CACNA2D1: variants seen among roughly 807,000 people sequenced by gnomAD.
CACNA2D1 encodes the protein calcium voltage-gated channel auxiliary subunit alpha2delta 1, also known as voltage-dependent calcium channel subunit alpha-2/delta-1.
Under a neutral mutation model 171.5 loss-of-function variants are expected in CACNA2D1, and 53 were observed. The observed-to-expected ratio is 0.31, with a 90% CI of 0.25 to 0.39. CACNA2D1 has a LOEUF of 0.39. CACNA2D1 is among the 10% of genes least tolerant of loss of function. The pLI is 1.00. For missense variants in CACNA2D1, 903 were observed against 1,299.8 expected, an observed-to-expected ratio of 0.69 and a Z score of 4.69; for synonymous variants, 442 against 443.1, an observed-to-expected ratio of 1.00 and a Z score of 0.03.
At position 81,948,791 on chromosome 7, in the gene CACNA2D1, TAC is replaced by T. The variant is rs1013658675; in HGVS notation, c.*1599_*1600del. 10 of 151,960 alleles carry T rather than the reference TAC, an allele frequency of 6.6e-5. No homozygotes were observed. The highest frequency in any genetic ancestry group is 1.0e-4 in the Non-Finnish European group (7 of 67,876). The allele number at this position is 151,960 out of a possible 1,614,324, so 9.4% of individuals were successfully genotyped here. ...TAAAATTATTAACTATTCTTAGAAT[TAC>T]ACATTCATAGTTTTTACCTTTTCTT... is the stretch of plus-strand genomic sequence containing the variant. On this transcript the variant is annotated 3_prime_UTR_variant, in exon 39 of 39. Coordinates refer to ENST00000356860, the MANE Select transcript of CACNA2D1 (RefSeq NM_000722.4).
chr7:82,053,446 T>A (rs1323685875), intron 10 of CACNA2D1, among the ~76,000 whole-genome samples: 1 of 143,602 alleles, frequency 7.0e-6, no homozygotes, highest in Non-Finnish European at 1.6e-5. Flanking sequence ...AATGTATTAA[T>A]GATTATTTTG....
intron 2 of CACNA2D1, among the ~76,000 whole-genome samples, chr7:82,341,661 A>G (rs1314135569): frequency 2.6e-5 from 4 of 152,148 alleles, no homozygotes; most frequent in African/African-American, 7.2e-5. Flanking sequence ...GCAAATACCA[A>G]CTGCTAAAAT....
intron 1 of CACNA2D1, among the ~76,000 whole-genome samples, chr7:82,392,907 G>C (rs1015635512): frequency 6.6e-6 from 1 of 151,936 alleles, no homozygotes; most frequent in Non-Finnish European, 1.5e-5. Flanking sequence ...CCCTAACCCT[G>C]AAAGATACAG....
chr7:81,987,129 G>C (rs73705430), intron 21 of CACNA2D1, among the ~76,000 whole-genome samples: 2,588 of 152,224 alleles, frequency 0.017, 75 homozygotes, highest in African/African-American at 0.06. Flanking sequence ...TGGCCTGTAA[G>C]TCTTTGATTG....
At chr7:82,079,502 G>T (rs1809422322) in intron 7 of CACNA2D1, among the ~76,000 whole-genome samples, 1 of 151,950 alleles carries the variant, frequency 6.6e-6, no homozygotes, top group Non-Finnish European at 1.5e-5. Flanking sequence ...GACCAGCCTT[G>T]CCAACATGGA....
intron 3 of CACNA2D1, among the ~76,000 whole-genome samples, chr7:82,315,073 G>C (rs1441310236): frequency 6.7e-6 from 1 of 148,854 alleles, no homozygotes; most frequent in Non-Finnish European, 1.5e-5. Flanking sequence ...GGAAGCAGAA[G>C]TTGCAGTGAG....
chr7:82,093,992 T>C (rs2129023389), intron 6 of CACNA2D1, among the ~76,000 whole-genome samples: 1 of 152,266 alleles, frequency 6.6e-6, no homozygotes, highest in Admixed American at 6.5e-5. Context: ...GGATCAAAAG[T>C]ATTAGAAGTG....
intron 3 of CACNA2D1, among the ~76,000 whole-genome samples, chr7:82,302,740 T>G (rs1428159190): frequency 2.6e-5 from 4 of 152,052 alleles, no homozygotes; most frequent in Non-Finnish European, 5.9e-5. Context: ...ATTCTTAAAA[T>G]TTATTCAAGC....
At chr7:82,153,378 TATG>T (rs1794046073) in intron 4 of CACNA2D1, among the ~76,000 whole-genome samples, 1 of 151,870 alleles carries the variant, frequency 6.6e-6, no homozygotes, top group Non-Finnish European at 1.5e-5. Flanking sequence ...GCAGATTATA[TATG>T]ATTAATAAAA....
intron 1 of CACNA2D1, among the ~76,000 whole-genome samples, chr7:82,406,012 G>A (rs1585845369): frequency 6.6e-6 from 1 of 152,000 alleles, no homozygotes; most frequent in African/African-American, 2.4e-5. Context: ...TTAACATTAG[G>A]TGTATCTCCT....
At chr7:82,349,852 T>A (rs1204725975) in intron 1 of CACNA2D1, among the ~76,000 whole-genome samples, 1 of 152,238 alleles carries the variant, frequency 6.6e-6, no homozygotes, top group Non-Finnish European at 1.5e-5. Flanking sequence ...GCTTTCAGGA[T>A]GCTGAAATGC....
rs145658798 is a variant in CACNA2D1, at chr7:82,065,143, C to A, written c.729-789G>T. Among the ~76,000 whole-genome samples, 418 of 152,244 alleles carry A rather than the reference C, an allele frequency of 2.7e-3. 3 individuals carry two copies. The highest frequency in any genetic ancestry group is 9.7e-3 in the African/African-American group (403 of 41,536). ...TTTTTACTTATTTCTGAAGCCATCA[C>A]TGTAAATGTAACTTCTCAGGAGGCT... On this transcript the variant is annotated intron_variant, in intron 8 of 38. Transcript: ENST00000356860.
rs1168422279 is a variant in CACNA2D1, at chr7:81,964,098, G to A, written c.2738C>T (p.Ala913Val). 2.5e-6 allele frequency: 4 copies of A among 1,612,006 alleles called. No homozygotes were observed. The highest frequency in any genetic ancestry group is 1.7e-5 in the Admixed American group (1 of 59,764). ...GHRSAYVPSV[A>V]DILQIGWWAT... is the part of the protein sequence containing the mutation. ...CCACCAGCCAATTTGTAATATGTCTGCTACTGATGGCTATAAAATAAAATA... is the reference window on the plus strand; with the variant it reads ...CCACCAGCCAATTTGTAATATGTCTACTACTGATGGCTATAAAATAAAATA... Residue 913 changes from alanine to valine, a missense_variant, in exon 34 of 39, where the codon GCA becomes GTA. Transcript: ENST00000356860.
intron 1 of CACNA2D1, among the ~76,000 whole-genome samples, chr7:82,418,263 T>A (rs1277456884): frequency 6.6e-6 from 1 of 152,064 alleles, no homozygotes; most frequent in Non-Finnish European, 1.5e-5. Flanking sequence ...GCCCCCTGAT[T>A]CAATTATCTC....
intron 1 of CACNA2D1, among the ~76,000 whole-genome samples, chr7:82,365,369 T>C (rs969664222): frequency 3.3e-5 from 5 of 152,256 alleles, no homozygotes; most frequent in Non-Finnish European, 7.3e-5. Flanking sequence ...ACATATATGA[T>C]GAAACATATG....
At chr7:81,963,721 C>G (rs1412179190) in intron 34 of CACNA2D1, among the ~76,000 whole-genome samples, 1 of 151,780 alleles carries the variant, frequency 6.6e-6, no homozygotes, top group East Asian at 1.9e-4. Flanking sequence ...TCTTACAGAT[C>G]AATACACCTA....
intron 4 of CACNA2D1, among the ~76,000 whole-genome samples, chr7:82,148,816 TAA>T (rs927104036): frequency 1.3e-5 from 2 of 152,046 alleles, no homozygotes; most frequent in African/African-American, 4.8e-5. Flanking sequence ...TTTTTATTTT[TAA>T]AAGAGGCAGG....
At chr7:82,386,357 T>C (rs1290983109) in intron 1 of CACNA2D1, among the ~76,000 whole-genome samples, 2 of 152,154 alleles carry the variant, frequency 1.3e-5, no homozygotes, top group Non-Finnish European at 2.9e-5. Flanking sequence ...TGGAATACAT[T>C]TGCACATGAG....
intron 2 of CACNA2D1, among the ~76,000 whole-genome samples, chr7:82,344,478 CG>C (rs1819024262): frequency 6.6e-6 from 1 of 152,020 alleles, no homozygotes; most frequent in Non-Finnish European, 1.5e-5. Context: ...AAAGAAAAAA[CG>C]TTTTAATATC....
Sources: allele counts gnomAD v4.1 joint callset (sites outside exome capture counted in the v4.1 genomes callset), GRCh38; gene constraint gnomAD v4.1.1; transcripts MANE v1.5; gene names NCBI Gene and HGNC (gene_info 2026-07-23, HGNC 2026-07-21).